The following PRKCE variants were observed in gnomAD, a reference collection of about 807,000 sequenced individuals.
The protein encoded by PRKCE is protein kinase C epsilon.
PRKCE carries 16 observed loss-of-function variants against 85.4 expected under a neutral mutation model. The ratio of observed to expected loss-of-function variants is 0.19; its 90% CI spans 0.13 to 0.28. PRKCE has a LOEUF of 0.28. Among genes scored for constraint, PRKCE ranks in the 10% least tolerant of loss-of-function variants. The pLI, the probability that PRKCE is intolerant of heterozygous loss-of-function variation, is 1.00. For synonymous variants in PRKCE, 388 were observed against 371.5 expected, an observed-to-expected ratio of 1.04 and a Z score of -0.51; for missense variants, 573 against 975.2, an observed-to-expected ratio of 0.59 and a Z score of 5.49.
At chr2:45,747,316 T>C (rs745821537) in intron 1 of PRKCE, among the ~76,000 whole-genome samples, 5 of 152,228 alleles carry the variant, frequency 3.3e-5, no homozygotes, top group Non-Finnish European at 7.3e-5. Flanking sequence ...AGAACTCTTT[T>C]ACCTTGCAAA....
intron 1 of PRKCE, among the ~76,000 whole-genome samples, chr2:45,680,462 G>A (rs1017087304): frequency 2.6e-5 from 4 of 152,238 alleles, no homozygotes; most frequent in South Asian, 2.1e-4. Context: ...CCTTTTAGGC[G>A]CAAACTTGTT....
At chr2:46,109,795 C>T (rs1672087802) in intron 11 of PRKCE, among the ~76,000 whole-genome samples, 1 of 152,048 alleles carries the variant, frequency 6.6e-6, no homozygotes, top group Non-Finnish European at 1.5e-5. Context: ...AGTGGGAAAG[C>T]ATCCAGCTAC....
chr2:45,861,657 A>G (rs1693170396), intron 2 of PRKCE, among the ~76,000 whole-genome samples: 1 of 152,138 alleles, frequency 6.6e-6, no homozygotes, highest in African/African-American at 2.4e-5. Flanking sequence ...ACTAAATGCC[A>G]TTTGAACTGT....
intron 10 of PRKCE, among the ~76,000 whole-genome samples, chr2:46,015,691 C>CAAAAAA (rs749060776): frequency 6.2e-4 from 50 of 80,566 alleles, no homozygotes; most frequent in Non-Finnish European, 8.4e-4. Flanking sequence ...AACACTAAAC[C>CAAAAAA]AAAAAAAAAA....
intron 2 of PRKCE, among the ~76,000 whole-genome samples, chr2:45,938,011 G>A (rs949613320): frequency 2.6e-5 from 4 of 152,158 alleles, no homozygotes; most frequent in African/African-American, 7.2e-5. Flanking sequence ...TAGCCTTTAC[G>A]TTACGCACCA....
chr2:45,928,360 C>A (rs546671318), intron 2 of PRKCE, among the ~76,000 whole-genome samples: 13 of 152,232 alleles, frequency 8.5e-5, no homozygotes, highest in South Asian at 6.2e-4. Context: ...CTCCGCCTCG[C>A]GGGTTGAAGC....
At chr2:46,081,112 C>A (rs555659989) in intron 10 of PRKCE, among the ~76,000 whole-genome samples, 2 of 152,300 alleles carry the variant, frequency 1.3e-5, no homozygotes, top group African/African-American at 4.8e-5. Context: ...CCACCTCAGC[C>A]TCCCAAGTAG....
At chr2:45,846,349 G>A (rs186881219) in intron 2 of PRKCE, among the ~76,000 whole-genome samples, 73 of 152,208 alleles carry the variant, frequency 4.8e-4, no homozygotes, top group Middle Eastern at 3.4e-3. Context: ...AGAGACGGTC[G>A]GCGCCTGACC....
Position 45,784,782 on chromosome 2 carries a change from G to A in PRKCE, c.349-58218G>A, listed in dbSNP as rs1291212434. Among the ~76,000 whole-genome samples the A allele has an allele frequency of 9.2e-5, 14 of 152,268 alleles. No homozygotes were observed. In the East Asian group the frequency reaches 1.9e-3, roughly 21 times the overall value. On this transcript the variant is annotated intron_variant, in intron 1 of 14. Transcript: ENST00000306156. ...AAAACAGAAAAAAATGAACCTATGGGGATAGAAAGGAAAATGGTGGTTGAC... is the reference window on the plus strand; with the variant it reads ...AAAACAGAAAAAAATGAACCTATGGAGATAGAAAGGAAAATGGTGGTTGAC...
intron 11 of PRKCE, among the ~76,000 whole-genome samples, chr2:46,091,525 A>G (rs1670169266): frequency 6.6e-6 from 1 of 152,164 alleles, no homozygotes; most frequent in African/African-American, 2.4e-5. Context: ...GTATCTTTTT[A>G]TTCTTTTGTA....
At chr2:46,006,867 A>T (rs1186310211) in intron 8 of PRKCE, among the ~76,000 whole-genome samples, 1 of 152,242 alleles carries the variant, frequency 6.6e-6, no homozygotes, top group Non-Finnish European at 1.5e-5. Flanking sequence ...TTTGTTAATA[A>T]TAAGCCCATT....
intron 1 of PRKCE, among the ~76,000 whole-genome samples, chr2:45,716,962 T>G (rs530508658): frequency 3.3e-5 from 5 of 152,258 alleles, no homozygotes; most frequent in Non-Finnish European, 5.9e-5. Context: ...ATCATGAGAA[T>G]AGCATGGGGG....
intron 2 of PRKCE, among the ~76,000 whole-genome samples, chr2:45,950,191 A>C (rs1293297159): frequency 6.6e-6 from 1 of 152,228 alleles, no homozygotes; most frequent in East Asian, 1.9e-4. Context: ...TTTTCTGCAA[A>C]AATGAAATTT....
intron 11 of PRKCE, among the ~76,000 whole-genome samples, chr2:46,104,173 C>G (rs1671494613): frequency 6.6e-6 from 1 of 152,278 alleles, no homozygotes; most frequent in East Asian, 1.9e-4. Context: ...TCTTCCTCAT[C>G]ATCTGGCATT....
At chr2:45,959,035 T>C (rs1416714417) in intron 2 of PRKCE, among the ~76,000 whole-genome samples, 1 of 151,392 alleles carries the variant, frequency 6.6e-6, no homozygotes, top group Non-Finnish European at 1.5e-5. Context: ...CCTGAAGTTC[T>C]GGTTAATGAC....
intron 10 of PRKCE, among the ~76,000 whole-genome samples, chr2:46,025,583 C>T (rs1262863936): frequency 6.6e-6 from 1 of 152,204 alleles, no homozygotes; most frequent in African/African-American, 2.4e-5. Flanking sequence ...AGTGCCCCTT[C>T]CGGGTCACAT....
At chr2:45,744,616 C>G (rs2104688275) in intron 1 of PRKCE, among the ~76,000 whole-genome samples, 1 of 148,808 alleles carries the variant, frequency 6.7e-6, no homozygotes, top group South Asian at 2.2e-4. Context: ...TCCTTCCTTT[C>G]TTTCTTTTGG....
intron 1 of PRKCE, among the ~76,000 whole-genome samples, chr2:45,657,746 C>T (rs1675444464): frequency 6.6e-6 from 1 of 152,202 alleles, no homozygotes; most frequent in Non-Finnish European, 1.5e-5. Flanking sequence ...GGCACCCCTG[C>T]TGACTCTGGG....
At chr2:46,148,831 G>A (rs1470195938) in intron 12 of PRKCE, among the ~76,000 whole-genome samples, 2 of 152,206 alleles carry the variant, frequency 1.3e-5, no homozygotes, top group East Asian at 1.9e-4. Context: ...CTTAAGTTGG[G>A]CGCTGTGTCT....
Sources: gnomAD v4.1 joint callset for allele counts (sites outside exome capture counted in the v4.1 genomes callset) on GRCh38, gnomAD v4.1.1 for gene constraint, MANE v1.5 for transcripts, NCBI Gene and HGNC (gene_info 2026-07-23, HGNC 2026-07-21) for gene names.